Variants in ZNF804B observed in about 807,000 individuals in gnomAD.
The protein encoded by ZNF804B is zinc finger 804B.
In ZNF804B, 80 loss-of-function variants were observed where a neutral mutation model predicts 101.4. The observed-to-expected ratio is 0.79, with a 90% CI of 0.66 to 0.95. The LOEUF (loss-of-function observed/expected upper bound fraction) is 0.95, where lower values mean the gene tolerates loss of function less well. Ranked by LOEUF, ZNF804B falls within the 40% of genes least tolerant of loss-of-function variation. The probability of loss-of-function intolerance (pLI) is 0.00; values close to 1 mark genes in which losing one functional copy is unlikely to be tolerated. For synonymous variants in ZNF804B, 622 were observed against 558.8 expected (o/e 1.11, Z -1.59); for missense variants, 1,673 against 1,561.9 (o/e 1.07, Z -1.20).
chr7:89,171,678 G>T (rs1352776986), intron 1 of ZNF804B, among the ~76,000 whole-genome samples: 1 of 151,958 alleles, frequency 6.6e-6, no homozygotes, highest in African/African-American at 2.4e-5. Flanking sequence ...CAAGTGATCC[G>T]CCTGCCTTGG....
chr7:88,802,487 C>T (rs929219440), intron 1 of ZNF804B, among the ~76,000 whole-genome samples: 4 of 151,844 alleles, frequency 2.6e-5, no homozygotes, highest in Non-Finnish European at 5.9e-5. Flanking sequence ...GTAAAGTTTC[C>T]CCCTATCTCA....
chr7:88,874,021 T>C (rs890988403), intron 1 of ZNF804B, among the ~76,000 whole-genome samples: 12 of 152,154 alleles, frequency 7.9e-5, no homozygotes, highest in Non-Finnish European at 1.3e-4. Context: ...TCTTTGGTAG[T>C]TTGATGGGGA....
chr7:89,161,184 A>T (rs1459968576), intron 1 of ZNF804B, among the ~76,000 whole-genome samples: 2 of 152,084 alleles, frequency 1.3e-5, no homozygotes, highest in African/African-American at 4.8e-5. Context: ...GTGAAAGCAC[A>T]CTGGGCAAGC....
chr7:88,796,672 A>G (rs1790490663), intron 1 of ZNF804B, among the ~76,000 whole-genome samples: 1 of 152,118 alleles, frequency 6.6e-6, no homozygotes, highest in Non-Finnish European at 1.5e-5. Flanking sequence ...AACTCTGGAA[A>G]ATACTTAGGC....
chr7:89,086,227 C>T (rs961006549), intron 1 of ZNF804B, among the ~76,000 whole-genome samples: 2 of 151,922 alleles, frequency 1.3e-5, no homozygotes, highest in African/African-American at 4.8e-5. Context: ...TATTTGTAAA[C>T]CTTTTAGGAT....
intron 2 of ZNF804B, among the ~76,000 whole-genome samples, chr7:89,228,855 G>A (rs930550914): frequency 5.9e-5 from 9 of 152,160 alleles, no homozygotes; most frequent in South Asian, 2.1e-4. Context: ...GCACAGGGGC[G>A]CACGGAGCAG....
chr7:88,856,813 T>A (rs564191493), intron 1 of ZNF804B, among the ~76,000 whole-genome samples: 1 of 152,310 alleles, frequency 6.6e-6, no homozygotes, highest in East Asian at 1.9e-4. Context: ...GTTTTTAGTA[T>A]GAAGGGCTGT....
At chr7:88,873,784 A>T (rs962283457) in intron 1 of ZNF804B, among the ~76,000 whole-genome samples, 1 of 152,138 alleles carries the variant, frequency 6.6e-6, no homozygotes, top group Admixed American at 6.6e-5. Flanking sequence ...AGTCATAGAT[A>T]TGCGGCATTA....
At chr7:89,107,346 A>G (rs1790149954) in intron 1 of ZNF804B, among the ~76,000 whole-genome samples, 1 of 152,146 alleles carries the variant, frequency 6.6e-6, no homozygotes, top group South Asian at 2.1e-4. Context: ...CACTGCTGCT[A>G]GATACATTAG....
At chr7:88,992,509 T>G (rs746427065) in intron 1 of ZNF804B, among the ~76,000 whole-genome samples, 3 of 152,100 alleles carry the variant, frequency 2.0e-5, no homozygotes, top group Non-Finnish European at 4.4e-5. Context: ...CTACTCAGGA[T>G]GTCATAAGAT....
chr7:88,996,792 T>C (rs1226636985), intron 1 of ZNF804B, among the ~76,000 whole-genome samples: 1 of 152,062 alleles, frequency 6.6e-6, no homozygotes, highest in Non-Finnish European at 1.5e-5. Context: ...CAAAGTAGCC[T>C]CAGAAGGAAT....
intron 1 of ZNF804B, among the ~76,000 whole-genome samples, chr7:88,773,056 C>T (rs913804775): frequency 7.2e-5 from 11 of 152,198 alleles, no homozygotes; most frequent in African/African-American, 2.7e-4. Context: ...AAAATTCATA[C>T]ATCTTACCTG....
At chr7:89,097,757 A>G (rs2116333865) in intron 1 of ZNF804B, among the ~76,000 whole-genome samples, 1 of 152,344 alleles carries the variant, frequency 6.6e-6, no homozygotes, top group Admixed American at 6.5e-5. Context: ...TCATTTGCTT[A>G]AATTTGTGAG....
intron 2 of ZNF804B, among the ~76,000 whole-genome samples, chr7:89,314,601 AT>A (rs1488691795): frequency 6.6e-6 from 1 of 152,168 alleles, no homozygotes; most frequent in Non-Finnish European, 1.5e-5. Context: ...TATGCAAACG[AT>A]TTACTTTTCC....
At chr7:88,952,697 T>G (rs1369061611) in intron 1 of ZNF804B, among the ~76,000 whole-genome samples, 1 of 151,764 alleles carries the variant, frequency 6.6e-6, no homozygotes, top group Non-Finnish European at 1.5e-5. Context: ...AGCAAGAAAC[T>G]CCAAACAAAA....
At chr7:89,099,150 A>C (rs1247743634) in intron 1 of ZNF804B, among the ~76,000 whole-genome samples, 3 of 151,428 alleles carry the variant, frequency 2.0e-5, no homozygotes, top group African/African-American at 7.3e-5. Flanking sequence ...TGTTTAAGAA[A>C]AATAAAAAGG....
At chr7:88,783,810 T>C (rs990914937) in intron 1 of ZNF804B, among the ~76,000 whole-genome samples, 1 of 152,076 alleles carries the variant, frequency 6.6e-6, no homozygotes, top group African/African-American at 2.4e-5. Flanking sequence ...TAGTAGGAAA[T>C]GGGAACAGAG....
intron 2 of ZNF804B, among the ~76,000 whole-genome samples, chr7:89,290,079 C>T (rs7778127): frequency 0.28 from 42,495 of 152,058 alleles, 6,125 homozygotes; most frequent in African/African-American, 0.31. Flanking sequence ...CAGTCCCTAA[C>T]TGGGATGATG....
At chr7:89,069,438 A>G (rs1399333985) in intron 1 of ZNF804B, among the ~76,000 whole-genome samples, 1 of 152,182 alleles carries the variant, frequency 6.6e-6, no homozygotes, top group African/African-American at 2.4e-5. Context: ...GAAACCAGAA[A>G]AAAGAAATAT....
Sources: gnomAD v4.1 joint callset for allele counts (sites outside exome capture counted in the v4.1 genomes callset) on GRCh38, gnomAD v4.1.1 for gene constraint, MANE v1.5 for transcripts, NCBI Gene and HGNC (gene_info 2026-07-23, HGNC 2026-07-21) for gene names.